LRRK2: variants seen among roughly 807,000 people sequenced by gnomAD.
LRRK2 encodes leucine rich repeat kinase 2, also known as leucine-rich repeat serine/threonine-protein kinase 2.
A neutral mutation model predicts 302.6 loss-of-function variants in LRRK2; 203 were observed. The ratio of observed to expected loss-of-function variants is 0.67; its 90% CI spans 0.60 to 0.75. The LOEUF (loss-of-function observed/expected upper bound fraction) is 0.75. LRRK2 is among the 30% of genes least tolerant of loss of function. The pLI, the probability that LRRK2 is intolerant of heterozygous loss-of-function variation, is 0.00. For synonymous variants in LRRK2, 1,066 were observed against 1,031.9 expected (o/e 1.03, Z -0.63); for missense variants, 2,830 against 2,951.0 (o/e 0.96, Z 0.95).
chr12:40,243,662 G>T lies in LRRK2; in HGVS notation c.819G>T (p.Leu273Phe), dbSNP rs780446993. The stretch of plus-strand genomic sequence containing the variant: ...GAATTCAAGAAGTGAGTTGCTGTTT[G>T]CTCCATAGGCTTACATTAGGTGAGT... ...SERIQEVSCCLLHRLTLGNFF... is the reference protein window; with the variant it reads ...SERIQEVSCCFLHRLTLGNFF... Residue 273 changes from leucine to phenylalanine, a missense_variant, in exon 7 of 51, where the codon TTG (leucine) becomes TTT (phenylalanine). Coordinates refer to ENST00000298910, the MANE Select transcript of LRRK2 (RefSeq NM_198578.4). 2 of 1,611,636 alleles carry T rather than the reference G, an allele frequency of 1.2e-6. No homozygotes were observed. The highest frequency in any genetic ancestry group is 1.7e-5 in the Admixed American group (1 of 59,872).
At position 40,322,080 on chromosome 12, in the gene LRRK2, A is replaced by G; in HGVS notation, c.5216A>G (p.Tyr1739Cys). ...PNRMYWRQGIYLNWSPEAYCL... is the reference protein window; with the variant it reads ...PNRMYWRQGICLNWSPEAYCL... ...AGAATGTATTGGCGACAAGGCATTT[A>G]CTTAAATTGGTCTCCTGAAGCTTAT... Residue 1739 changes from tyrosine (Y) to cysteine (C), a missense_variant, in exon 36 of 51, where the codon TAC (tyrosine) becomes TGC (cysteine). Physicochemically the swap from Tyr to Cys is radical, Grantham distance 194 (BLOSUM62 -2). Around this residue, in one of 3 missense-constraint regions of LRRK2, gnomAD observed 2,121 missense variants for 2,148.0 expected, o/e 0.99. Coordinates refer to ENST00000298910, the MANE Select transcript of LRRK2 (RefSeq NM_198578.4). 3 of 1,613,530 alleles carry G rather than the reference A, an allele frequency of 1.9e-6. No individual in the cohort carries two copies. Among genetic ancestry groups the G allele is most frequent in the Non-Finnish European group, 1.7e-6 (2 of 1,179,550 alleles).
In LRRK2 at chr12:40,278,173, A is replaced by G; in HGVS notation, c.2153A>G (p.Asp718Gly). 6.2e-7 allele frequency: 1 copy of G among 1,614,084 alleles called. No individual in the cohort carries two copies. Among genetic ancestry groups the G allele is most frequent in the Non-Finnish European group, 8.5e-7 (1 of 1,179,972 alleles). ...LKNVMLERAC[D>G]QNNSIMVECL... Reference sequence around the variant, plus strand: ...AATGTGATGCTAGAGAGAGCGTGTGATCAGAATAACAGCATCATGGTTGAA... The same window carrying G: ...AATGTGATGCTAGAGAGAGCGTGTGGTCAGAATAACAGCATCATGGTTGAA... The change falls in exon 18 of 51, where the codon GAT (aspartate) becomes GGT (glycine). Residue 718 changes from aspartate to glycine, a missense_variant. Asp to Gly is a moderately conservative substitution (Grantham distance 94). Transcript: ENST00000298910.
intron 44 of LRRK2, among the ~76,000 whole-genome samples, chr12:40,352,816 T>G (rs1946396382): frequency 6.6e-6 from 1 of 151,974 alleles, no homozygotes; most frequent in African/African-American, 2.4e-5. Flanking sequence ...GGCAGAAGAA[T>G]TTTTCTTAGT....
intron 20 of LRRK2, 98 bp from the exon 21 acceptor site, chr12:40,293,447 A>G (rs1944240971): frequency 2.7e-6 from 2 of 729,304 alleles, no homozygotes; most frequent in Non-Finnish European, 4.8e-6. Context: ...TAATAAAAAT[A>G]GGTCTAATCT....
intron 45 of LRRK2, among the ~76,000 whole-genome samples, chr12:40,354,766 T>C (rs1946473308): frequency 6.6e-6 from 1 of 152,098 alleles, no homozygotes; most frequent in South Asian, 2.1e-4. Flanking sequence ...ATCTCTTTAC[T>C]TCTCCTCAGA....
At chr12:40,358,550 T>C (rs1946611422) in intron 46 of LRRK2, among the ~76,000 whole-genome samples, 2 of 152,142 alleles carry the variant, frequency 1.3e-5, no homozygotes. Flanking sequence ...AATATGTGGG[T>C]TTATTTCTGG....
intron 20 of LRRK2, among the ~76,000 whole-genome samples, chr12:40,291,236 A>C (rs1592233341): frequency 6.6e-6 from 1 of 151,468 alleles, no homozygotes; most frequent in Non-Finnish European, 1.5e-5. Flanking sequence ...CAATGAGAAC[A>C]CTTGGACACA....
intron 41 of LRRK2, among the ~76,000 whole-genome samples, chr12:40,342,908 ATGTGC>A (rs1455225859): frequency 3.0e-4 from 46 of 152,160 alleles, no homozygotes; most frequent in Non-Finnish European, 5.4e-4. Flanking sequence ...AGCATGAGCG[ATGTGC>A]TGGGCTTGTG....
chr12:40,335,232 C>T, intron 40 of LRRK2, 75 bp downstream of exon 40: 1 of 1,446,410 alleles, frequency 6.9e-7, no homozygotes, highest in Admixed American at 1.8e-5. Context: ...TCTGAGAACA[C>T]TTCCCAGTAA....
intron 14 of LRRK2, among the ~76,000 whole-genome samples, chr12:40,265,540 G>C (rs1442965574): frequency 6.6e-6 from 1 of 152,132 alleles, no homozygotes; most frequent in Non-Finnish European, 1.5e-5. Flanking sequence ...AAGTGGGTGG[G>C]AAGAAGTGTT....
chr12:40,326,715 G>A (rs1443785263), intron 38 of LRRK2, among the ~76,000 whole-genome samples: 2 of 151,876 alleles, frequency 1.3e-5, no homozygotes. Context: ...CTGTTTACCC[G>A]ATTCTATTTC....
intron 7 of LRRK2, among the ~76,000 whole-genome samples, chr12:40,244,406 T>C (rs916767902): frequency 6.6e-6 from 1 of 152,150 alleles, no homozygotes; most frequent in Non-Finnish European, 1.5e-5. Flanking sequence ...TTTCCATTTT[T>C]CTATCCATGG....
At chr12:40,366,625 TCTAAATACTCATATTTGTA>T (rs1424411039) in intron 49 of LRRK2, 4 of 205,536 alleles carry the variant, frequency 1.9e-5, no homozygotes, top group Admixed American at 5.5e-5. Flanking sequence ...TAAGTGTCCA[TCTAAATACTCATATTTGTA>T]CTAAATACTC....
At chr12:40,321,929 T>C (rs529713163) in intron 35 of LRRK2, 106 bp from the exon 36 acceptor site, 15 of 1,127,780 alleles carry the variant, frequency 1.3e-5, no homozygotes, top group Middle Eastern at 2.1e-4. Flanking sequence ...CCCAATACTT[T>C]ATTTCAAAAT....
chr12:40,302,006 A>G (rs1454911805), intron 25 of LRRK2, among the ~76,000 whole-genome samples: 3 of 152,108 alleles, frequency 2.0e-5, no homozygotes, highest in South Asian at 2.1e-4. Flanking sequence ...GTGAAACCCC[A>G]TCTCTACTAA....
At chr12:40,285,773 A>G (rs934603071) in intron 19 of LRRK2, among the ~76,000 whole-genome samples, 3 of 152,108 alleles carry the variant, frequency 2.0e-5, no homozygotes, top group African/African-American at 7.2e-5. Flanking sequence ...ACGTGGAGCA[A>G]ATTTAATGTC....
intron 3 of LRRK2, chr12:40,232,694 T>C (rs1020751137): frequency 4.7e-6 from 1 of 210,748 alleles, no homozygotes; most frequent in African/African-American, 2.3e-5. Context: ...GAAGAGATTT[T>C]GGCTTTTAAT....
intron 32 of LRRK2, 62 bp downstream of exon 32, chr12:40,314,235 G>T: frequency 6.8e-7 from 1 of 1,478,756 alleles, no homozygotes; most frequent in Non-Finnish European, 9.4e-7. Context: ...AAGTGTTTCT[G>T]AATCTTTTAT....
At chr12:40,265,035 A>T (rs911962580) in intron 14 of LRRK2, among the ~76,000 whole-genome samples, 1 of 152,238 alleles carries the variant, frequency 6.6e-6, no homozygotes, top group African/African-American at 2.4e-5. Flanking sequence ...TAAATTAATT[A>T]AAGTGGCTTC....
Sources: allele counts gnomAD v4.1 joint callset (sites outside exome capture counted in the v4.1 genomes callset), GRCh38; gene constraint gnomAD v4.1.1; regional missense constraint gnomAD v4.1.1; transcripts MANE v1.5; gene names NCBI Gene and HGNC (gene_info 2026-07-23, HGNC 2026-07-21).